The following PPARGC1A variants were observed in gnomAD, a reference collection of about 807,000 sequenced individuals.
PPARGC1A encodes the protein PPARG coactivator 1 alpha.
A neutral mutation model predicts 88.7 loss-of-function variants in PPARGC1A; 25 were observed. The observed-to-expected ratio is 0.28, with a 90% CI of 0.21 to 0.39. The LOEUF (loss-of-function observed/expected upper bound fraction) is 0.39, where lower values mean the gene tolerates loss of function less well. Among genes scored for constraint, PPARGC1A ranks in the 10% least tolerant of loss-of-function variants. PPARGC1A has a pLI of 1.00. For missense variants in PPARGC1A, 880 were observed against 968.7 expected (o/e 0.91, Z 1.22); for synonymous variants, 363 against 355.6 (o/e 1.02, Z -0.24).
the PPARGC1A span, among the ~76,000 whole-genome samples, chr4:24,236,123 T>G: frequency 6.6e-6 from 1 of 152,242 alleles, no homozygotes; most frequent in South Asian, 2.1e-4. Flanking sequence ...TATTGCTTTC[T>G]TACTTGTCAG....
At chr4:24,052,359 G>A in the PPARGC1A span, among the ~76,000 whole-genome samples, 390 of 152,212 alleles carry the variant, frequency 2.6e-3, 2 homozygotes, top group African/African-American at 9.1e-3. Context: ...TGGAAAGACC[G>A]GTCATGGTGG....
chr4:24,454,737 C>CAAAA, the PPARGC1A span, among the ~76,000 whole-genome samples: 1 of 141,716 alleles, frequency 7.1e-6, no homozygotes, highest in African/African-American at 2.6e-5. Flanking sequence ...GACCTTGTCT[C>CAAAA]AAAAAAAAAA....
At chr4:24,312,769 A>T in the PPARGC1A span, among the ~76,000 whole-genome samples, 7 of 152,058 alleles carry the variant, frequency 4.6e-5, no homozygotes, top group African/African-American at 1.7e-4. Context: ...GAAGTTTTTT[A>T]TTTGTTTACT....
chr4:23,839,292 G>A (rs374614835), intron 2 of PPARGC1A, among the ~76,000 whole-genome samples: 93 of 152,232 alleles, frequency 6.1e-4, no homozygotes, highest in Non-Finnish European at 1.1e-3. Flanking sequence ...AAAATTCCTG[G>A]TTAATATATG....
At chr4:24,458,577 A>T in the PPARGC1A span, among the ~76,000 whole-genome samples, 2 of 152,228 alleles carry the variant, frequency 1.3e-5, no homozygotes, top group Admixed American at 1.3e-4. Context: ...GTACCCTTAC[A>T]TGTACCTGTC....
the PPARGC1A span, among the ~76,000 whole-genome samples, chr4:24,306,875 T>C: frequency 2.6e-5 from 4 of 152,310 alleles, no homozygotes; most frequent in Admixed American, 1.3e-4. Context: ...TTTTATAAAG[T>C]GTACTTCTTG....
chr4:24,266,374 G>A, the PPARGC1A span, among the ~76,000 whole-genome samples: 1 of 152,136 alleles, frequency 6.6e-6, no homozygotes, highest in Non-Finnish European at 1.5e-5. Flanking sequence ...AGATGATGCA[G>A]GTGGAAAGTA....
At chr4:23,835,462 C>T (rs986384869) in intron 2 of PPARGC1A, among the ~76,000 whole-genome samples, 8 of 120,454 alleles carry the variant, frequency 6.6e-5, no homozygotes, top group Non-Finnish European at 1.0e-4. Flanking sequence ...ATTAGCATGG[C>T]GGCTTGTGTG....
At chr4:24,076,311 TGGA>T in the PPARGC1A span, among the ~76,000 whole-genome samples, 1 of 152,156 alleles carries the variant, frequency 6.6e-6, no homozygotes, top group South Asian at 2.1e-4. Context: ...ATCTAATCTG[TGGA>T]GGAGTCAGCC....
the PPARGC1A span, among the ~76,000 whole-genome samples, chr4:24,426,847 G>A: frequency 1.1e-3 from 172 of 152,188 alleles, 7 homozygotes; most frequent in East Asian, 0.024. Context: ...ATAAATACTC[G>A]GGCCAAGGCA....
the PPARGC1A span, among the ~76,000 whole-genome samples, chr4:24,216,474 T>C: frequency 6.6e-6 from 1 of 152,154 alleles, no homozygotes; most frequent in African/African-American, 2.4e-5. Context: ...TCTTAAAACC[T>C]GGTGTATTCC....
Position 23,802,489 on chromosome 4 carries a change from G to T in PPARGC1A, c.2020-144C>A. On this transcript the variant is annotated intron_variant, in intron 10 of 12. Coordinates refer to ENST00000264867, the MANE Select transcript of PPARGC1A (RefSeq NM_013261.5). ...GGTCAGGAGTTCAATACCAGCCTGG[G>T]CAAGATGGTGAAACCCCATCTCTAC... The T allele has an allele frequency of 2.9e-6, 3 of 1,024,070 alleles. No homozygotes were observed. The South Asian group carries it at 4.8e-5, about 16-fold the overall frequency. 63.4% of individuals were successfully genotyped at this position (1,024,070 alleles called of 1,614,324 possible).
the PPARGC1A span, among the ~76,000 whole-genome samples, chr4:24,224,744 A>T: frequency 1.3e-5 from 2 of 152,144 alleles, no homozygotes; most frequent in Non-Finnish European, 2.9e-5. Context: ...CAAACAAAAC[A>T]TGAGATCATG....
chr4:24,222,384 C>A, the PPARGC1A span, among the ~76,000 whole-genome samples: 3 of 152,184 alleles, frequency 2.0e-5, no homozygotes, highest in Non-Finnish European at 2.9e-5. Flanking sequence ...TTCTCTGTGC[C>A]TCAATTTCCT....
At chr4:24,258,671 G>A in the PPARGC1A span, among the ~76,000 whole-genome samples, 1 of 152,148 alleles carries the variant, frequency 6.6e-6, no homozygotes, top group Admixed American at 6.5e-5. Flanking sequence ...TGAAAATAAT[G>A]TTACTACTGT....
At chr4:23,880,561 A>G (rs1038669770) in intron 2 of PPARGC1A, among the ~76,000 whole-genome samples, 9 of 152,234 alleles carry the variant, frequency 5.9e-5, no homozygotes, top group Admixed American at 3.3e-4. Context: ...GGTACATAAT[A>G]TATGTCCATT....
At chr4:24,399,181 C>T in the PPARGC1A span, among the ~76,000 whole-genome samples, 1 of 152,128 alleles carries the variant, frequency 6.6e-6, no homozygotes, top group Non-Finnish European at 1.5e-5. Context: ...CTTCCACCTT[C>T]CTATCTGTTT....
the PPARGC1A span, among the ~76,000 whole-genome samples, chr4:24,221,562 A>C: frequency 6.6e-5 from 10 of 152,200 alleles, no homozygotes; most frequent in African/African-American, 2.4e-4. Flanking sequence ...TTTACCACCA[A>C]ACATAGAGGA....
chr4:24,055,349 A>G, the PPARGC1A span, among the ~76,000 whole-genome samples: 1 of 152,218 alleles, frequency 6.6e-6, no homozygotes, highest in African/African-American at 2.4e-5. Flanking sequence ...CTGGATCCTG[A>G]TGAAACATGA....
Sources: allele counts gnomAD v4.1 joint callset (sites outside exome capture counted in the v4.1 genomes callset), GRCh38; gene constraint gnomAD v4.1.1; transcripts MANE v1.5; gene names NCBI Gene and HGNC (gene_info 2026-07-23, HGNC 2026-07-21).